COBLL1: variants seen among roughly 807,000 people sequenced by gnomAD.
COBLL1 encodes the protein cordon-bleu WH2 repeat protein like 1, also known as cordon-bleu protein-like 1.
Under a neutral mutation model 94.8 loss-of-function variants are expected in COBLL1, and 50 were observed. The ratio of observed to expected loss-of-function variants is 0.53; its 90% CI spans 0.42 to 0.67. COBLL1 has a LOEUF of 0.67. Among genes scored for constraint, COBLL1 ranks in the 30% least tolerant of loss-of-function variants. The pLI is 0.00. For missense variants in COBLL1, 1,362 were observed against 1,348.7 expected (o/e 1.01, Z -0.15); for synonymous variants, 448 against 473.8 (o/e 0.95, Z 0.71).
chr2:164,707,427 T>C (rs1231421923), intron 7 of COBLL1, among the ~76,000 whole-genome samples: 1 of 152,118 alleles, frequency 6.6e-6, no homozygotes, highest in Admixed American at 6.6e-5. Context: ...AGGCATGAGC[T>C]ACCATACCCG....
At position 164,686,000 on chromosome 2, in the gene COBLL1, A is replaced by G; in HGVS notation, c.3333T>C (p.Asn1111=). The G allele has an allele frequency of 6.2e-7, 1 of 1,606,338 alleles. No individual in the cohort carries two copies. The highest frequency in any genetic ancestry group is 8.5e-7 in the Non-Finnish European group (1 of 1,175,120). Residue 1111 remains asparagine, a synonymous_variant, in exon 14 of 14, where the codon AAT becomes AAC. Transcript: ENST00000652658. ...VTIPSNTISV[N]GRSRLSHSMS... ...TGGAATGGCTGAGTCTTGACCTTCC[A>G]TTCACAGATATTGTATTTGATGGAA...
chr2:164,674,833 G>T (rs965452836), intron 1 of COBLL1, among the ~76,000 whole-genome samples: 1 of 152,150 alleles, frequency 6.6e-6, no homozygotes, highest in Non-Finnish European at 1.5e-5. Flanking sequence ...TGCAACCAAG[G>T]GAAGCCACAC....
intron 5 of COBLL1, among the ~76,000 whole-genome samples, chr2:164,725,442 C>T (rs1036426641): frequency 9.2e-5 from 14 of 151,706 alleles, no homozygotes; most frequent in African/African-American, 2.7e-4. Context: ...TTTTTTGAAA[C>T]GGTCTCACTC....
intron 9 of COBLL1, chr2:164,703,626 AC>A: frequency 2.4e-6 from 1 of 424,366 alleles, no homozygotes. Flanking sequence ...ATTCTTAAAT[AC>A]CACTTAAAGA....
At chr2:164,763,362 C>T (rs558692200) in intron 2 of COBLL1, among the ~76,000 whole-genome samples, 2 of 151,978 alleles carry the variant, frequency 1.3e-5, no homozygotes, top group Non-Finnish European at 2.9e-5. Context: ...GGAAAAGAAG[C>T]ACTCTCATAC....
At chr2:164,704,374 G>A in intron 9 of COBLL1, 70 bp downstream of exon 9, 2 of 998,546 alleles carry the variant, frequency 2.0e-6, no homozygotes, top group Non-Finnish European at 3.2e-6. Context: ...CATCGCAAAT[G>A]GACTCATTTC....
Position 164,685,773 on chromosome 2 carries a change from A to G in COBLL1, c.*173T>C, listed in dbSNP as rs1010905586. On this transcript the variant is annotated 3_prime_UTR_variant, in exon 14 of 14. Coordinates refer to ENST00000652658, the MANE Select transcript of COBLL1 (RefSeq NM_001365672.2). ...AAAAAAAAGATCAAAAAATTACTATAAATTATAAATTCTGGTAACTTTTCT... is the reference window on the plus strand; with the variant it reads ...AAAAAAAAGATCAAAAAATTACTATGAATTATAAATTCTGGTAACTTTTCT... 6 of 400,858 alleles carry G rather than the reference A, an allele frequency of 1.5e-5. No individual in the cohort carries two copies. The highest frequency in any genetic ancestry group is 1.2e-4 in the African/African-American group (6 of 48,384). 24.8% of individuals were successfully genotyped at this position (400,858 alleles called of 1,614,324 possible).
Position 164,695,241 on chromosome 2 carries a change from A to C in COBLL1, c.2151T>G (p.Pro717=), listed in dbSNP as rs144213526. 2.4e-5 allele frequency: 39 copies of C among 1,613,792 alleles called. No individual in the cohort carries two copies. Among genetic ancestry groups the C allele is most frequent in the Non-Finnish European group, 3.2e-5 (38 of 1,179,944 alleles). The change falls in exon 12 of 14, where the codon CCT becomes CCG. Residue 717 remains proline (P), a synonymous_variant. Transcript: ENST00000652658. ...TATACTCTCGTGTAATTTCATTTGA[A>C]GGTTTTGGCTTGGGATTGTAGTCCT... ...YRQDYNPKPK[P]SNEITREYIP...
chr2:164,808,314 G>C (rs955260081), intron 2 of COBLL1, among the ~76,000 whole-genome samples: 8 of 152,022 alleles, frequency 5.3e-5, no homozygotes, highest in African/African-American at 1.9e-4. Context: ...CTATGTTTTT[G>C]CTGGATTATA....
chr2:164,818,595 T>C (rs1443400676), intron 2 of COBLL1, among the ~76,000 whole-genome samples: 2 of 148,400 alleles, frequency 1.3e-5, no homozygotes, highest in Admixed American at 6.8e-5. Context: ...TGTACACATA[T>C]ATAGCATATG....
intron 2 of COBLL1, among the ~76,000 whole-genome samples, chr2:164,766,156 T>G (rs1558994193): frequency 6.6e-6 from 1 of 152,214 alleles, no homozygotes; most frequent in Non-Finnish European, 1.5e-5. Flanking sequence ...TAGAATGCCA[T>G]TGCATGAATA....
At chr2:164,779,736 G>C (rs1688647568) in intron 2 of COBLL1, 2 of 470,834 alleles carry the variant, frequency 4.2e-6, no homozygotes, top group Non-Finnish European at 8.8e-6. Flanking sequence ...ACACAGACTA[G>C]GGCCTTCCTT....
chr2:164,706,964 C>G (rs1472305917), intron 7 of COBLL1, among the ~76,000 whole-genome samples: 1 of 152,126 alleles, frequency 6.6e-6, no homozygotes, highest in African/African-American at 2.4e-5. Flanking sequence ...TTTCTCTGGC[C>G]TCTCCTTTGG....
chr2:164,800,728 G>A (rs1265345044), intron 2 of COBLL1, among the ~76,000 whole-genome samples: 1 of 152,120 alleles, frequency 6.6e-6, no homozygotes, highest in East Asian at 1.9e-4. Context: ...TAGCTATAAA[G>A]AGGAACCACT....
At chr2:164,702,302 G>A (rs1011275846) in intron 9 of COBLL1, among the ~76,000 whole-genome samples, 6 of 151,830 alleles carry the variant, frequency 4.0e-5, no homozygotes, top group South Asian at 4.2e-4. Context: ...GGTGGCTCAC[G>A]CCTGTAATCC....
At chr2:164,667,077 AATAAG>A (rs1406416587) in intron 1 of COBLL1, among the ~76,000 whole-genome samples, 5 of 152,194 alleles carry the variant, frequency 3.3e-5, no homozygotes, top group South Asian at 2.1e-4. Context: ...TTTCTTAAAT[AATAAG>A]ATATTTATTT....
chr2:164,695,749 C>G lies in COBLL1; in HGVS notation c.1643G>C (p.Gly548Ala), dbSNP rs534277685. The change falls in exon 12 of 14, where the codon GGT (glycine) becomes GCT (alanine). Residue 548 changes from glycine to alanine, a missense_variant. By Grantham distance (60) the Gly-to-Ala change is moderately conservative. Coordinates refer to ENST00000652658, the MANE Select transcript of COBLL1 (RefSeq NM_001365672.2). The stretch of plus-strand genomic sequence containing the variant: ...ATCAATGTTGTTATTTTTGGCAACA[C>G]CTTCTACATTGATTTCTGTTTTCTT... ...GVKKTEINVEGVAKNNNIDME... is the reference protein window; with the variant it reads ...GVKKTEINVEAVAKNNNIDME... 1.6e-5 allele frequency: 26 copies of G among 1,613,362 alleles called. No individual in the cohort carries two copies. In the South Asian group the frequency reaches 1.9e-4, roughly 12 times the overall value.
At chr2:164,803,688 C>A (rs892765079) in intron 2 of COBLL1, among the ~76,000 whole-genome samples, 1 of 152,130 alleles carries the variant, frequency 6.6e-6, no homozygotes, top group African/African-American at 2.4e-5. Context: ...CTTTTGTCAA[C>A]TAACATTGTA....
Position 164,681,808 on chromosome 2 carries a change from C to A in COBLL1, c.*4138G>T, listed in dbSNP as rs1683055526. 6.6e-6 allele frequency: 1 copy of A among 152,108 alleles called. No individual in the cohort carries two copies. Among genetic ancestry groups the A allele is most frequent in the African/African-American group, 2.4e-5 (1 of 41,426 alleles). The allele number at this position is 152,108 out of a possible 1,614,324, so 9.4% of individuals were successfully genotyped here. On this transcript the variant is annotated 3_prime_UTR_variant, in exon 14 of 14. Coordinates refer to ENST00000652658, the MANE Select transcript of COBLL1 (RefSeq NM_001365672.2). ...TTTTCCAGTTTGTGAAGCAGAGATGCCAACAGATCTCTACAAATTACCAGA... is the reference window on the plus strand; with the variant it reads ...TTTTCCAGTTTGTGAAGCAGAGATGACAACAGATCTCTACAAATTACCAGA...
Sources: gnomAD v4.1 joint callset for allele counts (sites outside exome capture counted in the v4.1 genomes callset) on GRCh38, gnomAD v4.1.1 for gene constraint, MANE v1.5 for transcripts, NCBI Gene and HGNC (gene_info 2026-07-23, HGNC 2026-07-21) for gene names.